WBP11: variants seen among roughly 807,000 people sequenced by gnomAD.
The protein encoded by WBP11 is WW domain binding protein 11.
Under a neutral mutation model 66.7 loss-of-function variants are expected in WBP11, and 12 were observed. The ratio of observed to expected loss-of-function variants is 0.18; its 90% CI spans 0.12 to 0.29. The LOEUF is 0.29. WBP11 is among the 10% of genes least tolerant of loss of function. WBP11 has a pLI of 1.00. For missense variants in WBP11, 555 were observed against 818.3 expected, an observed-to-expected ratio of 0.68 and a Z score of 3.93; for synonymous variants, 255 against 273.8, an observed-to-expected ratio of 0.93 and a Z score of 0.68.
chr12:14,785,264 T>C lies in WBP11; in HGVS notation c.*1801A>G, dbSNP rs887137031. 6.6e-6 allele frequency: 1 copy of C among 152,182 alleles called. No homozygotes were observed. Among genetic ancestry groups the C allele is most frequent in the African/African-American group, 2.4e-5 (1 of 41,446 alleles). The allele number at this position is 152,182 out of a possible 1,614,324, so 9.4% of individuals were successfully genotyped here. The stretch of plus-strand genomic sequence containing the variant: ...CAGCCTGGGCAACAGAGTTAGAACC[T>C]GTCTCCATGGAAAAATGATAAAAAC... On this transcript the variant is annotated 3_prime_UTR_variant, in exon 12 of 12. Transcript: ENST00000261167.
chr12:14,795,111 CAG>C lies in WBP11; in HGVS notation c.388-9_388-8del. On this transcript the variant is annotated splice_polypyrimidine_tract_variant and splice_region_variant and intron_variant, in intron 5 of 11. Coordinates refer to ENST00000261167, the MANE Select transcript of WBP11 (RefSeq NM_016312.3). ...CTTCCACATGCTGAGCATTCTGAAA[CAG>C]AGAACCATTCAGTAGTATGATAAAA... 6.3e-7 allele frequency: 1 copy of C among 1,593,838 alleles called. No individual in the cohort carries two copies. The highest frequency in any genetic ancestry group is 8.5e-7 in the Non-Finnish European group (1 of 1,172,130).
At chr12:14,801,217 A>G (rs2137242936) in intron 2 of WBP11, 103 bp downstream of exon 2, 2 of 1,144,396 alleles carry the variant, frequency 1.7e-6, no homozygotes, top group Non-Finnish European at 2.6e-6. Flanking sequence ...TATTCCTCCT[A>G]TCACTGCTGG....
chr12:14,792,535 A>C (rs1203112449), intron 8 of WBP11, among the ~76,000 whole-genome samples: 2 of 131,982 alleles, frequency 1.5e-5, no homozygotes, highest in Non-Finnish European at 3.6e-5. Flanking sequence ...GTTGATGAGA[A>C]TATATAAGAA....
chr12:14,786,831 T>C lies in WBP11; in HGVS notation c.*234A>G. On this transcript the variant is annotated 3_prime_UTR_variant, in exon 12 of 12. Coordinates refer to ENST00000261167, the MANE Select transcript of WBP11 (RefSeq NM_016312.3). ...GGAAGAAACAGGGTGAAAATGGTGG[T>C]ATGAAAGGGAATGGATGTTAGCAGC... 2 of 421,042 alleles carry C rather than the reference T, an allele frequency of 4.8e-6. No individual in the cohort carries two copies. Among genetic ancestry groups the C allele is most frequent in the Non-Finnish European group, 4.3e-6 (1 of 235,202 alleles). The allele number at this position is 421,042 out of a possible 1,614,324, so 26.1% of individuals were successfully genotyped here.
chr12:14,797,782 C>T (rs1171221795), intron 4 of WBP11, among the ~76,000 whole-genome samples: 2 of 152,172 alleles, frequency 1.3e-5, no homozygotes, highest in Non-Finnish European at 2.9e-5. Flanking sequence ...AGAAAACAAA[C>T]CTAGAGCTGC....
At chr12:14,791,067 A>C in intron 9 of WBP11, 102 bp downstream of exon 9, 1 of 1,147,580 alleles carries the variant, frequency 8.7e-7, no homozygotes, top group Non-Finnish European at 1.2e-6. Flanking sequence ...AGGACTTATT[A>C]CTTACTTGAA....
At chr12:14,788,802 T>C (rs1330850764) in intron 11 of WBP11, 149 bp downstream of exon 11, 1 of 454,668 alleles carries the variant, frequency 2.2e-6, no homozygotes, top group Non-Finnish European at 3.9e-6. Context: ...GGAAGAACTG[T>C]ACTTCAAGCC....
chr12:14,788,360 A>G (rs1371824340), intron 11 of WBP11, among the ~76,000 whole-genome samples: 1 of 152,200 alleles, frequency 6.6e-6, no homozygotes, highest in Non-Finnish European at 1.5e-5. Flanking sequence ...ATATACCAAG[A>G]ACTGCAGATT....
chr12:14,790,887 T>C (rs1949814188), intron 9 of WBP11, 138 bp from the exon 10 acceptor site: 2 of 866,702 alleles, frequency 2.3e-6, no homozygotes, highest in East Asian at 2.6e-5. Flanking sequence ...ATAAAATACT[T>C]AGATGTGAAA....
At chr12:14,798,481 A>G (rs1949918471) in intron 4 of WBP11, among the ~76,000 whole-genome samples, 1 of 152,210 alleles carries the variant, frequency 6.6e-6, no homozygotes, top group Admixed American at 6.5e-5. Flanking sequence ...GGGGTCATTT[A>G]AAGAAGGATT....
rs906785011 is a variant in WBP11, at chr12:14,785,061, T to A, written c.*2004A>T. 3.3e-5 allele frequency: 5 copies of A among 152,156 alleles called. No individual in the cohort carries two copies. Among genetic ancestry groups the A allele is most frequent in the African/African-American group, 1.2e-4 (5 of 41,440 alleles). 9.4% of individuals were successfully genotyped at this position (152,156 alleles called of 1,614,324 possible). Reference sequence around the variant, plus strand: ...CCAACTGAAGGCTGAGATGGGAAGATCACTTGAGGCTAGGAGACCAGACTG... The same window carrying A: ...CCAACTGAAGGCTGAGATGGGAAGAACACTTGAGGCTAGGAGACCAGACTG... On this transcript the variant is annotated 3_prime_UTR_variant, in exon 12 of 12. Transcript: ENST00000261167.
chr12:14,800,584 T>C (rs1201325221), intron 3 of WBP11, among the ~76,000 whole-genome samples, 168 bp downstream of exon 3: 3 of 152,146 alleles, frequency 2.0e-5, no homozygotes, highest in African/African-American at 7.2e-5. Flanking sequence ...CAAAGTTACT[T>C]CAGTTCCTAA....
In WBP11 at chr12:14,796,557, C is replaced by T. The variant is rs1032736710; in HGVS notation, c.387+250G>A. 2.0e-5 allele frequency among the ~76,000 whole-genome samples: 3 copies of T among 152,036 alleles called. No individual in the cohort carries two copies. Among genetic ancestry groups the T allele is most frequent in the Non-Finnish European group, 4.4e-5 (3 of 68,006 alleles). On this transcript the variant is annotated intron_variant, in intron 5 of 11. Transcript: ENST00000261167. The surrounding 1 kb of genome is among the most constrained non-coding windows in gnomAD (Gnocchi z 4.5). ...CCACACCTGACCTAATGTGATGGGT[C>T]GTAGTTTTGTTTCATGCACAAAATT... is the stretch of plus-strand genomic sequence containing the variant.
Position 14,790,680 on chromosome 12 carries a change from T to C in WBP11, c.1085A>G (p.Asp362Gly). The C allele has an allele frequency of 6.2e-7, 1 of 1,614,224 alleles. No individual in the cohort carries two copies. Among genetic ancestry groups the C allele is most frequent in the South Asian group, 1.1e-5 (1 of 91,084 alleles). ...FSEDDDEDDS[D>G]DSEAEKQSQK... ...TGATTGCTTTTCTGCTTCAGAGTCA[T>C]CAGAATCATCTTCATCATCGTCCTC... Residue 362 changes from aspartate to glycine, a missense_variant, in exon 10 of 12, where the codon GAT becomes GGT. Physicochemically the swap from Asp to Gly is moderately conservative, Grantham distance 94. Coordinates refer to ENST00000261167, the MANE Select transcript of WBP11 (RefSeq NM_016312.3).
chr12:14,787,077 T>C lies in WBP11; in HGVS notation c.1914A>G (p.Glu638=), dbSNP rs763804624. 2.7e-5 allele frequency: 44 copies of C among 1,612,460 alleles called. No individual in the cohort carries two copies. Among genetic ancestry groups the C allele is most frequent in the Admixed American group, 2.3e-4 (14 of 59,980 alleles). The change falls in exon 12 of 12, where the codon GAA becomes GAG. Residue 638 remains glutamate (E), a synonymous_variant. Transcript: ENST00000261167. ...GCATCAAAAGCTGTCACAGTAGCCCTTCCATCTCTTTCATGAAAGCCTCAT... is the reference window on the plus strand; with the variant it reads ...GCATCAAAAGCTGTCACAGTAGCCCCTCCATCTCTTTCATGAAAGCCTCAT... ...DVYEAFMKEM[E]GLL
Position 14,784,814 on chromosome 12 carries a change from T to C in WBP11, c.*2251A>G, listed in dbSNP as rs1428390705. The C allele has an allele frequency of 6.6e-6, 1 of 152,212 alleles. No homozygotes were observed. Among genetic ancestry groups the C allele is most frequent in the African/African-American group, 2.4e-5 (1 of 41,454 alleles). The allele number at this position is 152,212 out of a possible 1,614,324, so 9.4% of individuals were successfully genotyped here. A position where few individuals can be genotyped will look rare whatever the true frequency, so the allele number is the denominator to read the frequency against. ...TGATTAAAGATTTCTATCATTTACATTTCATAGCTGTGAGCTGACCATTTT... is the reference window on the plus strand; with the variant it reads ...TGATTAAAGATTTCTATCATTTACACTTCATAGCTGTGAGCTGACCATTTT... On this transcript the variant is annotated 3_prime_UTR_variant, in exon 12 of 12. Transcript: ENST00000261167.
rs141377429 is a variant in WBP11 at position 14,799,934 on chromosome 12, G to A, written c.97-206C>T. 1.9e-3 allele frequency among the ~76,000 whole-genome samples: 293 copies of A among 152,246 alleles called. 2 individuals carry two copies. Among genetic ancestry groups the A allele is most frequent in the African/African-American group, 6.6e-3 (275 of 41,544 alleles). ...GCTATTTTTAAGATGTGCTTTCTTA[G>A]TAAAGTATTTCTTTGAACTCTGAGA... is the stretch of plus-strand genomic sequence containing the variant. On this transcript the variant is annotated intron_variant, in intron 3 of 11. Transcript: ENST00000261167.
At chr12:14,789,426 T>A (rs1949795457) in intron 10 of WBP11, among the ~76,000 whole-genome samples, 1 of 150,962 alleles carries the variant, frequency 6.6e-6, no homozygotes, top group Non-Finnish European at 1.5e-5. Context: ...CTACTAAAAA[T>A]ACATAAAAAT....
rs181580779 is a variant in WBP11, at chr12:14,788,126, C to T, written c.1493-628G>A. On this transcript the variant is annotated intron_variant, in intron 11 of 11. Transcript: ENST00000261167. ...TGGTGGTGCACGCCTGTAATCCCAG[C>T]TACTTGGGAGGCTGAGGCAGGAGAA... 3.2e-3 allele frequency among the ~76,000 whole-genome samples: 493 copies of T among 152,172 alleles called. 2 individuals are homozygous for T. The highest frequency in any genetic ancestry group is 0.012 in the African/African-American group (482 of 41,516).
Sources: gnomAD v4.1 joint callset for allele counts (sites outside exome capture counted in the v4.1 genomes callset) on GRCh38, gnomAD v4.1.1 for gene constraint, Gnocchi (gnomAD v3.1) non-coding constraint, MANE v1.5 for transcripts, NCBI Gene and HGNC (gene_info 2026-07-23, HGNC 2026-07-21) for gene names.